Variants in NPFFR2 observed in about 807,000 individuals in gnomAD.
The protein encoded by NPFFR2 is neuropeptide FF receptor 2.
Under a neutral mutation model 13.1 loss-of-function variants are expected in NPFFR2, and 15 were observed. That is an observed-to-expected ratio of 1.15 (90% CI 0.77 to 1.76). NPFFR2 has a LOEUF of 1.76. Among genes scored for constraint, NPFFR2 ranks in the 40% most tolerant of loss-of-function variants. NPFFR2 has a pLI of 0.00. For missense variants in NPFFR2, 572 were observed against 503.5 expected (o/e 1.14, Z -1.30); for synonymous variants, 190 against 175.7 (o/e 1.08, Z -0.65).
intron 1 of NPFFR2, among the ~76,000 whole-genome samples, chr4:72,123,801 A>G (rs1340802780): frequency 1.3e-5 from 2 of 152,248 alleles, no homozygotes; most frequent in Non-Finnish European, 2.9e-5. Flanking sequence ...ATCCACAGCA[A>G]ATATCATACT....
intron 1 of NPFFR2, among the ~76,000 whole-genome samples, chr4:72,068,720 A>G (rs1466129849): frequency 6.6e-6 from 1 of 152,200 alleles, no homozygotes; most frequent in East Asian, 1.9e-4. Flanking sequence ...CCATAGAAAA[A>G]AATTGGAAGG....
intron 3 of NPFFR2, 114 bp downstream of exon 3, chr4:72,138,253 T>C (rs527635704): frequency 3.7e-5 from 25 of 667,824 alleles, no homozygotes; most frequent in Non-Finnish European, 6.1e-5. Flanking sequence ...GTATTCACAA[T>C]ATCTACCTCT....
intron 1 of NPFFR2, among the ~76,000 whole-genome samples, chr4:72,085,367 C>T (rs745712242): frequency 1.4e-4 from 21 of 152,096 alleles, no homozygotes; most frequent in Admixed American, 3.3e-4. Flanking sequence ...AGACAAAGGG[C>T]TCGTAACTTG....
intron 1 of NPFFR2, among the ~76,000 whole-genome samples, chr4:72,123,634 A>G (rs1198427025): frequency 6.6e-6 from 1 of 152,238 alleles, no homozygotes; most frequent in Non-Finnish European, 1.5e-5. Context: ...AACGTAATCC[A>G]TCACATAAAC....
At chr4:72,115,783 T>G (rs1228688234) in intron 1 of NPFFR2, among the ~76,000 whole-genome samples, 1 of 152,204 alleles carries the variant, frequency 6.6e-6, no homozygotes, top group Admixed American at 6.6e-5. Flanking sequence ...TCTTTTGTTT[T>G]CCAATGTATC....
At chr4:72,070,975 G>A (rs1249904731) in intron 1 of NPFFR2, among the ~76,000 whole-genome samples, 1 of 152,134 alleles carries the variant, frequency 6.6e-6, no homozygotes, top group Non-Finnish European at 1.5e-5. Context: ...TTGAGAGGGA[G>A]AGTAACAGTT....
In NPFFR2 at chr4:72,147,099, G is replaced by A; in HGVS notation, c.550G>A (p.Val184Met). 1 of 1,613,974 alleles carries A rather than the reference G, an allele frequency of 6.2e-7. No homozygotes were observed. Among genetic ancestry groups the A allele is most frequent in the East Asian group, 2.2e-5 (1 of 44,868 alleles). Residue 184 changes from valine to methionine, a missense_variant, in exon 4 of 4, where the codon GTG becomes ATG. Physicochemically the swap from Val to Met is conservative, Grantham distance 21. Coordinates refer to ENST00000308744, the MANE Select transcript of NPFFR2 (RefSeq NM_004885.3). ...GTCTCCATCTGCAGTAATGTTACAT[G>A]TGCAAGAAGAAAAATATTACCGAGT... ...IMSPSAVMLHVQEEKYYRVRL... is the reference protein window; with the variant it reads ...IMSPSAVMLHMQEEKYYRVRL...
intron 3 of NPFFR2, among the ~76,000 whole-genome samples, chr4:72,138,788 T>C (rs1293656469): frequency 6.6e-6 from 1 of 152,134 alleles, no homozygotes; most frequent in Non-Finnish European, 1.5e-5. Flanking sequence ...GTAATGGGAT[T>C]GCTGGGTCAA....
At chr4:72,137,455 G>A (rs1560422827) in intron 2 of NPFFR2, among the ~76,000 whole-genome samples, 2 of 152,236 alleles carry the variant, frequency 1.3e-5, no homozygotes, top group East Asian at 3.9e-4. Context: ...TTCATGCAAA[G>A]TGCTCTTTAT....
Position 72,078,291 on chromosome 4 carries a change from A to T in NPFFR2, c.-8+46091A>T, listed in dbSNP as rs577561710. ...ACTGAATATATAAGAATGTCTTCTA[A>T]AATCAAGCTTTCAAAGATGGTGTCT... is the stretch of plus-strand genomic sequence containing the variant. On this transcript the variant is annotated intron_variant, in intron 1 of 3. Transcript: ENST00000308744. 3.3e-5 allele frequency among the ~76,000 whole-genome samples: 5 copies of T among 152,226 alleles called. No homozygotes were observed. The South Asian group carries it at 1.0e-3, about 32-fold the overall frequency.
Position 72,039,353 on chromosome 4 carries a change from C to T in NPFFR2, c.-8+7153C>T, listed in dbSNP as rs1027724150. 5.6e-5 allele frequency: 55 copies of T among 982,932 alleles called. No homozygotes were observed. The African/African-American group carries it at 6.1e-4, about 11-fold the overall frequency. 60.9% of individuals were successfully genotyped at this position (982,932 alleles called of 1,614,324 possible). On this transcript the variant is annotated intron_variant, in intron 1 of 3. Transcript: ENST00000308744. Reference sequence around the variant, plus strand: ...GATTACAGGCGTGAGCCACCGCGCCCGGCCAATTTCCTTTCTTAGTTGCCT... The same window carrying T: ...GATTACAGGCGTGAGCCACCGCGCCTGGCCAATTTCCTTTCTTAGTTGCCT...
At chr4:72,087,957 A>T (rs954243353) in intron 1 of NPFFR2, among the ~76,000 whole-genome samples, 6 of 152,006 alleles carry the variant, frequency 3.9e-5, no homozygotes, top group African/African-American at 1.4e-4. Flanking sequence ...AGCCATGCAA[A>T]AGTGTACCTT....
intron 1 of NPFFR2, among the ~76,000 whole-genome samples, chr4:72,082,397 C>G (rs1234150168): frequency 6.6e-6 from 1 of 152,136 alleles, no homozygotes; most frequent in Non-Finnish European, 1.5e-5. Context: ...CCTACCTGCT[C>G]TAGCAAAGAT....
At chr4:72,088,899 G>A (rs778024752) in intron 1 of NPFFR2, among the ~76,000 whole-genome samples, 2 of 151,848 alleles carry the variant, frequency 1.3e-5, no homozygotes, top group Non-Finnish European at 2.9e-5. Context: ...GTTCTTCAGT[G>A]GTAATTTCTG....
intron 1 of NPFFR2, among the ~76,000 whole-genome samples, chr4:72,035,717 T>G (rs377293136): frequency 3.3e-5 from 5 of 152,230 alleles, no homozygotes; most frequent in African/African-American, 9.6e-5. Context: ...AAAAAACAAA[T>G]AAAATAACTC....
At chr4:72,045,374 C>T (rs899731930) in intron 1 of NPFFR2, among the ~76,000 whole-genome samples, 7 of 152,088 alleles carry the variant, frequency 4.6e-5, no homozygotes, top group Non-Finnish European at 8.8e-5. Context: ...TATTCTGTTC[C>T]ATTGATCTAT....
At chr4:72,118,529 A>G (rs1287673572) in intron 1 of NPFFR2, among the ~76,000 whole-genome samples, 1 of 152,158 alleles carries the variant, frequency 6.6e-6, no homozygotes, top group African/African-American at 2.4e-5. Context: ...AAGATGTGGG[A>G]TTTGAGTGCA....
chr4:72,134,462 A>G (rs139080523), intron 2 of NPFFR2, among the ~76,000 whole-genome samples: 515 of 152,146 alleles, frequency 3.4e-3, no homozygotes, highest in Middle Eastern at 6.8e-3. Flanking sequence ...ACAAACATAC[A>G]TTCATACACT....
At chr4:72,115,329 T>C (rs1721682921) in intron 1 of NPFFR2, among the ~76,000 whole-genome samples, 1 of 152,344 alleles carries the variant, frequency 6.6e-6, no homozygotes, top group South Asian at 2.1e-4. Context: ...CCTAACACTG[T>C]ATGAAAATAT....
Sources: allele counts gnomAD v4.1 joint callset (sites outside exome capture counted in the v4.1 genomes callset), GRCh38; gene constraint gnomAD v4.1.1; transcripts MANE v1.5; gene names NCBI Gene and HGNC (gene_info 2026-07-23, HGNC 2026-07-21).